Variants in XYLT1 observed in about 807,000 individuals in gnomAD.
The protein encoded by XYLT1 is beta-D-xylosyltransferase 1.
In XYLT1, 36 loss-of-function variants were observed where a neutral mutation model predicts 91.3. The observed-to-expected ratio is 0.39, with a 90% CI of 0.30 to 0.52. The LOEUF is 0.52. XYLT1 is among the 20% of genes least tolerant of loss of function. The pLI, the probability that XYLT1 is intolerant of heterozygous loss-of-function variation, is 0.68. For missense variants in XYLT1, 1,242 were observed against 1,284.5 expected (o/e 0.97, Z 0.51); for synonymous variants, 588 against 532.0 (o/e 1.11, Z -1.45).
intron 1 of XYLT1, among the ~76,000 whole-genome samples, chr16:17,367,484 C>G (rs1401865439): frequency 6.6e-6 from 1 of 152,192 alleles, no homozygotes; most frequent in Non-Finnish European, 1.5e-5. Flanking sequence ...TTGCTGTGGT[C>G]ACCAAGATGG....
chr16:17,336,261 T>C (rs2034977769), intron 2 of XYLT1, among the ~76,000 whole-genome samples: 1 of 152,208 alleles, frequency 6.6e-6, no homozygotes, highest in Non-Finnish European at 1.5e-5. Context: ...ACAATAGTGT[T>C]TTTGTAACTC....
intron 5 of XYLT1, among the ~76,000 whole-genome samples, chr16:17,162,642 A>G (rs2031583179): frequency 6.6e-6 from 1 of 152,252 alleles, no homozygotes; most frequent in African/African-American, 2.4e-5. Flanking sequence ...TACAGGCGCA[A>G]TAATGTCTTC....
chr16:17,448,684 G>A (rs1412207151), intron 1 of XYLT1, among the ~76,000 whole-genome samples: 1 of 104,894 alleles, frequency 9.5e-6, no homozygotes, highest in Non-Finnish European at 1.9e-5. Flanking sequence ...GTGAGGGGAG[G>A]TGGAGGGGGG....
intron 5 of XYLT1, among the ~76,000 whole-genome samples, chr16:17,188,940 C>T (rs538996019): frequency 6.6e-6 from 1 of 152,304 alleles, no homozygotes; most frequent in South Asian, 2.1e-4. Context: ...AGCCTGTACC[C>T]TTGACCACTA....
intron 1 of XYLT1, among the ~76,000 whole-genome samples, chr16:17,448,439 ATATTATCAT>A (rs1413112392): frequency 1.3e-5 from 2 of 152,210 alleles, no homozygotes; most frequent in East Asian, 1.9e-4. Flanking sequence ...AAAATGAAGC[ATATTATCAT>A]TATTATCATT....
rs181210606 is a variant in XYLT1 at position 17,109,590 on chromosome 16, T to G, written c.2558-573A>C. Among the ~76,000 whole-genome samples, 11 of 152,358 alleles carry G rather than the reference T, an allele frequency of 7.2e-5. No individual in the cohort carries two copies. The East Asian group carries it at 1.5e-3, about 21-fold the overall frequency. The stretch of plus-strand genomic sequence containing the variant: ...AAGAGGGTTGGCAAACTGCAGTCCT[T>G]GGGCCAAATGTGGCCCACCACTTGT... On this transcript the variant is annotated intron_variant, in intron 11 of 11. Transcript: ENST00000261381.
chr16:17,344,492 CAA>C (rs199791926), intron 2 of XYLT1, among the ~76,000 whole-genome samples: 21 of 100,824 alleles, frequency 2.1e-4, no homozygotes, highest in Non-Finnish European at 1.2e-4. Flanking sequence ...GACTCCATCT[CAA>C]AAAAAAAAAA....
chr16:17,410,078 T>G (rs1326824933), intron 1 of XYLT1, among the ~76,000 whole-genome samples: 1 of 152,158 alleles, frequency 6.6e-6, no homozygotes, highest in Middle Eastern at 3.2e-3. Context: ...GAGTTCACAC[T>G]GCCACCACCA....
intron 1 of XYLT1, among the ~76,000 whole-genome samples, chr16:17,401,173 G>T (rs140067109): frequency 8.9e-4 from 136 of 152,278 alleles, no homozygotes; most frequent in Admixed American, 1.6e-3. Flanking sequence ...ATAGCACATA[G>T]GGACACTGGG....
chr16:17,325,119 C>T (rs1007741750), intron 2 of XYLT1, among the ~76,000 whole-genome samples: 3 of 152,150 alleles, frequency 2.0e-5, no homozygotes, highest in East Asian at 3.9e-4. Flanking sequence ...GCGGGGGTGC[C>T]GGGCACGGTG....
intron 6 of XYLT1, among the ~76,000 whole-genome samples, chr16:17,143,889 CCAT>C (rs1161860605): frequency 6.7e-6 from 1 of 149,854 alleles, no homozygotes; most frequent in Non-Finnish European, 1.5e-5. Context: ...GTCATCACCA[CCAT>C]CGTCATCATC....
Position 17,175,390 on chromosome 16 carries a change from T to G in XYLT1, c.1290-16481A>C, listed in dbSNP as rs143334416. Reference sequence around the variant, plus strand: ...GGCACTTGTTACATATCGGCTCAGTTTGCCTTCCCAACATCATCATGATGT... The same window carrying G: ...GGCACTTGTTACATATCGGCTCAGTGTGCCTTCCCAACATCATCATGATGT... On this transcript the variant is annotated intron_variant, in intron 5 of 11. Coordinates refer to ENST00000261381, the MANE Select transcript of XYLT1 (RefSeq NM_022166.4). 6.2e-3 allele frequency among the ~76,000 whole-genome samples: 949 copies of G among 152,298 alleles called. 10 individuals are homozygous for G. Among genetic ancestry groups the G allele is most frequent in the Non-Finnish European group, 0.011 (739 of 68,018 alleles).
chr16:17,400,968 TCTCA>T, intron 1 of XYLT1, among the ~76,000 whole-genome samples: 1 of 137,150 alleles, frequency 7.3e-6, no homozygotes. Flanking sequence ...TGTCTCTCTG[TCTCA>T]CTCTCTCTTT....
intron 1 of XYLT1, among the ~76,000 whole-genome samples, chr16:17,460,874 G>A (rs1029464806): frequency 5.9e-5 from 9 of 152,170 alleles, no homozygotes; most frequent in African/African-American, 1.9e-4. Context: ...AGTCCTCCTG[G>A]CTCTAGCAAA....
intron 2 of XYLT1, among the ~76,000 whole-genome samples, chr16:17,313,051 C>T (rs2034574313): frequency 6.6e-6 from 1 of 152,216 alleles, no homozygotes; most frequent in Non-Finnish European, 1.5e-5. Context: ...GATCCCCAGC[C>T]TTGTTGGCTC....
intron 1 of XYLT1, among the ~76,000 whole-genome samples, chr16:17,460,889 T>TC (rs1356522626): frequency 6.6e-6 from 1 of 151,970 alleles, no homozygotes; most frequent in Non-Finnish European, 1.5e-5. Context: ...AGCAAACATC[T>TC]CCTACGATGT....
At chr16:17,396,763 CG>C (rs1426602511) in intron 1 of XYLT1, among the ~76,000 whole-genome samples, 1 of 152,088 alleles carries the variant, frequency 6.6e-6, no homozygotes, top group East Asian at 1.9e-4. Flanking sequence ...CCCAGCTACT[CG>C]GGAATCTGAG....
At chr16:17,254,680 C>T (rs529771510) in intron 3 of XYLT1, among the ~76,000 whole-genome samples, 1 of 152,332 alleles carries the variant, frequency 6.6e-6, no homozygotes, top group East Asian at 1.9e-4. Flanking sequence ...CAGGCATGAG[C>T]CACCGTGCCT....
intron 5 of XYLT1, among the ~76,000 whole-genome samples, chr16:17,174,495 T>C (rs1169993005): frequency 6.6e-6 from 1 of 152,184 alleles, no homozygotes; most frequent in African/African-American, 2.4e-5. Flanking sequence ...GAAAACATAA[T>C]GCTAAGTGAA....
Sources: allele counts gnomAD v4.1 joint callset (sites outside exome capture counted in the v4.1 genomes callset), GRCh38; gene constraint gnomAD v4.1.1; transcripts MANE v1.5; gene names NCBI Gene and HGNC (gene_info 2026-07-23, HGNC 2026-07-21).